The following PHAF1 variants were observed in gnomAD, a reference collection of about 807,000 sequenced individuals.
PHAF1 encodes the protein phagophore assembly factor 1, also known as phagosome assembly factor 1.
PHAF1 carries 23 observed loss-of-function variants against 63.1 expected under a neutral mutation model. That is an observed-to-expected ratio of 0.36 (90% CI 0.26 to 0.52). PHAF1 has a LOEUF of 0.52. Ranked by LOEUF, PHAF1 falls within the 20% of genes least tolerant of loss-of-function variation. PHAF1 has a pLI of 0.93. For synonymous variants in PHAF1, 167 were observed against 185.0 expected (o/e 0.90, Z 0.79); for missense variants, 427 against 517.2 (o/e 0.83, Z 1.69).
intron 2 of PHAF1, among the ~76,000 whole-genome samples, chr16:67,123,893 G>A (rs1464337071): frequency 1.3e-5 from 2 of 152,152 alleles, no homozygotes; most frequent in African/African-American, 4.8e-5. Context: ...CTTTCTTAGA[G>A]GGAAAAGATA....
intron 2 of PHAF1, among the ~76,000 whole-genome samples, chr16:67,124,320 A>G (rs1963098391): frequency 6.6e-6 from 1 of 152,326 alleles, no homozygotes; most frequent in Non-Finnish European, 1.5e-5. Flanking sequence ...TTGAGACCTA[A>G]TGGTTTAGAC....
intron 13 of PHAF1, 63 bp from the exon 14 acceptor site, chr16:67,145,507 G>C: frequency 6.2e-7 from 1 of 1,612,044 alleles, no homozygotes. Context: ...CTCTAGGCCA[G>C]CCATTGGTCA....
chr16:67,125,368 G>C (rs999637992), intron 2 of PHAF1, among the ~76,000 whole-genome samples: 1 of 152,094 alleles, frequency 6.6e-6, no homozygotes, highest in East Asian at 1.9e-4. Context: ...ATGGGAGGCT[G>C]GGGGGAGAGA....
chr16:67,138,116 G>A (rs1312198907), intron 8 of PHAF1, among the ~76,000 whole-genome samples: 2 of 152,042 alleles, frequency 1.3e-5, no homozygotes, highest in East Asian at 1.9e-4. Context: ...TTCAAGCAGA[G>A]GGAGACAGAA....
intron 8 of PHAF1, 47 bp from the exon 9 acceptor site, chr16:67,139,937 C>G (rs766953644): frequency 1.9e-6 from 3 of 1,611,196 alleles, no homozygotes; most frequent in Non-Finnish European, 2.5e-6. Flanking sequence ...GAGAGGGTCT[C>G]TGGTCCTAAC....
intron 1 of PHAF1, 38 bp from the exon 2 acceptor site, chr16:67,120,074 A>T (rs1360330290): frequency 1.3e-6 from 2 of 1,581,570 alleles, no homozygotes. Flanking sequence ...ATAGATGGAT[A>T]GCCAAAATAA....
chr16:67,110,317 C>T (rs1228702308), intron 1 of PHAF1, 78 bp downstream of exon 1: 3 of 1,471,464 alleles, frequency 2.0e-6, no homozygotes, highest in Non-Finnish European at 2.8e-6. Context: ...TGTTCTCAGT[C>T]TCTCACGCCC....
At chr16:67,140,205 A>G in intron 9 of PHAF1, 88 bp downstream of exon 9, 1 of 1,464,570 alleles carries the variant, frequency 6.8e-7, no homozygotes, top group South Asian at 1.3e-5. Flanking sequence ...TTTCCCATAG[A>G]ACTTGTTCTA....
chr16:67,147,008 C>T (rs750942349), intron 15 of PHAF1, 37 bp from the exon 16 acceptor site: 1 of 1,554,560 alleles, frequency 6.4e-7, no homozygotes, highest in Non-Finnish European at 8.9e-7. Context: ...ATCCCTTTAC[C>T]TCTCCCCCTT....
In PHAF1 at chr16:67,140,055, T is replaced by C. The variant is rs1963750245; in HGVS notation, c.733T>C (p.Cys245Arg). ...ACGTTCAGTGTATTTTGGTGATTCC[T>C]GCCAAGATGTTCTTAGCATGCTTGG... ...FERSVYFGDS[C>R]QDVLSMLGSP... The change falls in exon 9 of 16, where the codon TGC (cysteine) becomes CGC (arginine). Residue 245 changes from cysteine to arginine, a missense_variant. Physicochemically the swap from Cys to Arg is radical, Grantham distance 180 (BLOSUM62 -3). Coordinates refer to ENST00000219139, the MANE Select transcript of PHAF1 (RefSeq NM_025187.5). 2 of 1,614,054 alleles carry C rather than the reference T, an allele frequency of 1.2e-6. No homozygotes were observed. Among genetic ancestry groups the C allele is most frequent in the African/African-American group, 2.7e-5 (2 of 74,918 alleles).
intron 1 of PHAF1, among the ~76,000 whole-genome samples, chr16:67,115,378 G>A (rs931529139): frequency 6.6e-6 from 1 of 152,236 alleles, no homozygotes; most frequent in Admixed American, 6.5e-5. Context: ...AGGCAGCTTT[G>A]GGTAGAGCAT....
chr16:67,110,127 C>G lies in PHAF1; in HGVS notation c.-49C>G, dbSNP rs942299653. ...CTGCTTTGTCTCCTTAGCTCGGGTC[C>G]CTTCTGCGCTGCCGCAGGGAGGCCG... On this transcript the variant is annotated 5_prime_UTR_variant, in exon 1 of 16. Transcript: ENST00000219139. The G allele has an allele frequency of 2.6e-6, 4 of 1,546,120 alleles. No individual in the cohort carries two copies. The South Asian group carries it at 3.6e-5, about 14-fold the overall frequency.
chr16:67,131,180 G>GTTTT (rs71145961), intron 3 of PHAF1, 106 bp from the exon 4 acceptor site: 30 of 249,052 alleles, frequency 1.2e-4, no homozygotes, highest in South Asian at 3.0e-4. Context: ...ATTGGTAATA[G>GTTTT]TTTTTTTTTT....
chr16:67,111,452 C>T (rs1311158472), intron 1 of PHAF1, among the ~76,000 whole-genome samples: 2 of 152,190 alleles, frequency 1.3e-5, no homozygotes, highest in African/African-American at 4.8e-5. Context: ...CTAGTGTGAG[C>T]TACTGGACTA....
In PHAF1 at chr16:67,132,250, C is replaced by G; in HGVS notation, c.276-196C>G. On this transcript the variant is annotated intron_variant, in intron 4 of 15. Transcript: ENST00000219139. ...GCCCCAGAGGATCAACTCTGTATAT[C>G]AGCCTCATGAGAACTGACCTTCTCC... The G allele has an allele frequency of 5.4e-6, 3 of 557,418 alleles. No homozygotes were observed. The South Asian group carries it at 7.0e-5, about 13-fold the overall frequency. 34.5% of individuals were successfully genotyped at this position (557,418 alleles called of 1,614,324 possible). A position where few individuals can be genotyped will look rare whatever the true frequency, so the allele number is the denominator to read the frequency against.
At chr16:67,141,694 C>T (rs1415499707) in intron 10 of PHAF1, among the ~76,000 whole-genome samples, 2 of 152,226 alleles carry the variant, frequency 1.3e-5, no homozygotes, top group South Asian at 2.1e-4. Flanking sequence ...ACCAGCTCCA[C>T]GTAAGGGTGA....
At chr16:67,139,768 ACATGTG>A (rs1963737270) in intron 8 of PHAF1, 2 of 557,082 alleles carry the variant, frequency 3.6e-6, no homozygotes, top group East Asian at 5.8e-5. Flanking sequence ...GCTTCATGTC[ACATGTG>A]GGGGATTGAA....
chr16:67,124,961 G>C (rs1963129321), intron 2 of PHAF1, among the ~76,000 whole-genome samples: 1 of 152,062 alleles, frequency 6.6e-6, no homozygotes, highest in Non-Finnish European at 1.5e-5. Context: ...AGAAGGGTGG[G>C]GTTTTAGATG....
rs986980729 is a variant in PHAF1, at chr16:67,140,031, C to A, written c.709C>A (p.Arg237Ser). Residue 237 changes from arginine to serine, a missense_variant, in exon 9 of 16, where the codon CGT (arginine) becomes AGT (serine). Transcript: ENST00000219139. ...LADAKMRVFE[R>S]SVYFGDSCQD... ...AGATGCCAAGATGCGGGTATTTGAA[C>A]GTTCAGTGTATTTTGGTGATTCCTG... The A allele has an allele frequency of 6.2e-7, 1 of 1,614,054 alleles. No homozygotes were observed. The highest frequency in any genetic ancestry group is 8.5e-7 in the Non-Finnish European group (1 of 1,179,982).
Sources: gnomAD v4.1 joint callset for allele counts (sites outside exome capture counted in the v4.1 genomes callset) on GRCh38, gnomAD v4.1.1 for gene constraint, MANE v1.5 for transcripts, NCBI Gene and HGNC (gene_info 2026-07-23, HGNC 2026-07-21) for gene names.